LHFPL3: variants seen among roughly 807,000 people sequenced by gnomAD.
The protein encoded by LHFPL3 is LHFPL tetraspan subfamily member 3 protein.
Under a neutral mutation model 19.3 loss-of-function variants are expected in LHFPL3, and 5 were observed. That is an observed-to-expected ratio of 0.26 (90% CI 0.14 to 0.54). LHFPL3 has a LOEUF of 0.54. Ranked by LOEUF, LHFPL3 falls within the 20% of genes least tolerant of loss-of-function variation. The pLI, the probability that LHFPL3 is intolerant of heterozygous loss-of-function variation, is 0.94. For missense variants in LHFPL3, 249 were observed against 307.4 expected (o/e 0.81, Z 1.42); for synonymous variants, 133 against 126.2 (o/e 1.05, Z -0.36).
intron 2 of LHFPL3, among the ~76,000 whole-genome samples, chr7:104,824,566 ATAT>A (rs1349891935): frequency 2.5e-4 from 19 of 74,904 alleles, no homozygotes; most frequent in African/African-American, 8.5e-4. Flanking sequence ...ATAATTATAT[ATAT>A]TATTTTATAT....
intron 2 of LHFPL3, among the ~76,000 whole-genome samples, chr7:104,790,449 T>C: frequency 6.6e-6 from 1 of 152,108 alleles, no homozygotes; most frequent in Non-Finnish European, 1.5e-5. Context: ...TATGTCTCCT[T>C]TCTGGAATTT....
intron 1 of LHFPL3, among the ~76,000 whole-genome samples, chr7:104,693,019 C>T (rs1792931522): frequency 1.3e-5 from 2 of 152,200 alleles, no homozygotes; most frequent in East Asian, 1.9e-4. Flanking sequence ...GTTGGAGCTG[C>T]CCAAGGCCGT....
chr7:104,497,881 A>G (rs1793516900), intron 1 of LHFPL3, among the ~76,000 whole-genome samples: 1 of 152,184 alleles, frequency 6.6e-6, no homozygotes, highest in Admixed American at 6.5e-5. Flanking sequence ...CTGAGTCACA[A>G]GGTCCTAACC....
intron 2 of LHFPL3, among the ~76,000 whole-genome samples, chr7:104,861,174 T>TG (rs1398386138): frequency 1.3e-5 from 2 of 152,126 alleles, no homozygotes; most frequent in Admixed American, 1.3e-4. Context: ...TGTGTTAGTG[T>TG]GGGGAAAAGG....
intron 1 of LHFPL3, among the ~76,000 whole-genome samples, chr7:104,446,100 A>G (rs1241656337): frequency 1.3e-5 from 2 of 152,202 alleles, no homozygotes; most frequent in African/African-American, 4.8e-5. Flanking sequence ...GTCAGTTTCT[A>G]TGAATTTTTT....
rs1053130632 is a variant in LHFPL3 at position 104,501,374 on chromosome 7, G to A, written c.445+172150G>A. ...TCAACTGAACAGCTGCAGTCACTTG[G>A]GAGCAGTTAGTGCTCTATACAGTTG... On this transcript the variant is annotated intron_variant, in intron 1 of 2. Coordinates refer to ENST00000424859, the MANE Select transcript of LHFPL3 (RefSeq NM_199000.3). Among the ~76,000 whole-genome samples, 5 of 152,154 alleles carry A rather than the reference G, an allele frequency of 3.3e-5. No homozygotes were observed. The South Asian group carries it at 8.3e-4, about 25-fold the overall frequency.
intron 2 of LHFPL3, among the ~76,000 whole-genome samples, chr7:104,742,888 T>C (rs556321020): frequency 6.6e-6 from 1 of 151,740 alleles, no homozygotes; most frequent in African/African-American, 2.4e-5. Context: ...GGAGGCCGAG[T>C]CAGGATGATC....
At chr7:104,905,509 C>T (rs1021274997) in intron 2 of LHFPL3, among the ~76,000 whole-genome samples, 13 of 151,994 alleles carry the variant, frequency 8.6e-5, no homozygotes, top group African/African-American at 3.1e-4. Context: ...CTCACTTCAG[C>T]TCAGGAGTTC....
intron 2 of LHFPL3, chr7:104,895,906 T>C (rs1792349090): frequency 6.6e-6 from 1 of 152,358 alleles, no homozygotes; most frequent in African/African-American, 2.4e-5. Flanking sequence ...AACACAGAAA[T>C]TTACTTTCTC....
chr7:104,548,107 T>G (rs1794604632), intron 1 of LHFPL3, among the ~76,000 whole-genome samples: 1 of 152,216 alleles, frequency 6.6e-6, no homozygotes, highest in Non-Finnish European at 1.5e-5. Flanking sequence ...CTTATCCTGA[T>G]CAATATTTTT....
intron 1 of LHFPL3, among the ~76,000 whole-genome samples, chr7:104,721,649 A>G (rs1793495420): frequency 6.6e-6 from 1 of 152,100 alleles, no homozygotes; most frequent in Non-Finnish European, 1.5e-5. Context: ...AGTGTTGGAA[A>G]GGTATTCCCA....
At chr7:104,743,200 A>C (rs1793969778) in intron 2 of LHFPL3, among the ~76,000 whole-genome samples, 1 of 152,084 alleles carries the variant, frequency 6.6e-6, no homozygotes, top group Non-Finnish European at 1.5e-5. Context: ...TCAGATGTGT[A>C]CCCACCCACG....
At chr7:104,603,137 C>CTT (rs1562947544) in intron 1 of LHFPL3, among the ~76,000 whole-genome samples, 2 of 30,668 alleles carry the variant, frequency 6.5e-5, no homozygotes, top group South Asian at 1.3e-3. Flanking sequence ...TTTCTTTTTT[C>CTT]CCTTCCTTCC....
chr7:104,747,560 G>C (rs752394884), intron 2 of LHFPL3, among the ~76,000 whole-genome samples: 3 of 152,154 alleles, frequency 2.0e-5, no homozygotes, highest in Non-Finnish European at 2.9e-5. Flanking sequence ...AACACAGCAA[G>C]TAAAAGCCAA....
At position 104,906,229 on chromosome 7, in the gene LHFPL3, C is replaced by T. The variant is rs368474937; in HGVS notation, c.*14C>T. 15 of 1,604,966 alleles carry T rather than the reference C, an allele frequency of 9.3e-6. No individual in the cohort carries two copies. The highest frequency in any genetic ancestry group is 2.2e-5 in the East Asian group (1 of 44,560). On this transcript the variant is annotated 3_prime_UTR_variant, in exon 3 of 3. Coordinates refer to ENST00000424859, the MANE Select transcript of LHFPL3 (RefSeq NM_199000.3). ...TCTCTAGAATGAGCACAAAACAAAT[C>T]GAATAACAGCTAAACAAATCGAATA...
intron 1 of LHFPL3, among the ~76,000 whole-genome samples, chr7:104,381,209 T>C (rs1381744530): frequency 1.3e-5 from 2 of 152,178 alleles, no homozygotes; most frequent in Non-Finnish European, 2.9e-5. Context: ...AAGTGGGTGC[T>C]ATTCTTCTGT....
intron 1 of LHFPL3, among the ~76,000 whole-genome samples, chr7:104,568,610 C>G (rs1359807240): frequency 1.3e-5 from 2 of 152,240 alleles, no homozygotes; most frequent in Admixed American, 6.5e-5. Flanking sequence ...TTCTAGCCTA[C>G]TGGTGTCTGT....
chr7:104,790,858 G>A (rs1231057466), intron 2 of LHFPL3, among the ~76,000 whole-genome samples: 1 of 152,140 alleles, frequency 6.6e-6, no homozygotes, highest in East Asian at 1.9e-4. Flanking sequence ...GTTCAAGTAA[G>A]GACATCAAAT....
chr7:104,618,870 A>C (rs1791394355), intron 1 of LHFPL3, among the ~76,000 whole-genome samples: 1 of 152,210 alleles, frequency 6.6e-6, no homozygotes, highest in Admixed American at 6.5e-5. Context: ...ACCCTGCCAT[A>C]TATTTTAATC....
Sources: gnomAD v4.1 joint callset for allele counts (sites outside exome capture counted in the v4.1 genomes callset) on GRCh38, gnomAD v4.1.1 for gene constraint, MANE v1.5 for transcripts, NCBI Gene and HGNC (gene_info 2026-07-23, HGNC 2026-07-21) for gene names.